The following ARHGEF38 variants were observed in gnomAD, a reference collection of about 807,000 sequenced individuals.
The protein encoded by ARHGEF38 is Rho guanine nucleotide exchange factor (GEF) 38.
ARHGEF38 carries 79 observed loss-of-function variants against 79.9 expected under a neutral mutation model. The observed-to-expected ratio is 0.99, with a 90% CI of 0.82 to 1.19. The LOEUF (loss-of-function observed/expected upper bound fraction) is 1.19. ARHGEF38 is among the 50% of genes most tolerant of loss of function. The probability of loss-of-function intolerance (pLI) is 0.00; values close to 1 mark genes in which losing one functional copy is unlikely to be tolerated. For missense variants in ARHGEF38, 962 were observed against 907.2 expected (o/e 1.06, Z -0.78); for synonymous variants, 366 against 328.3 (o/e 1.11, Z -1.24).
intron 1 of ARHGEF38, among the ~76,000 whole-genome samples, chr4:105,586,894 C>T (rs1727077002): frequency 6.6e-6 from 1 of 151,844 alleles, no homozygotes; most frequent in African/African-American, 2.4e-5. Context: ...CACCTCTCTG[C>T]CCTCAGTCTC....
intron 1 of ARHGEF38, among the ~76,000 whole-genome samples, chr4:105,557,789 A>T (rs1009165582): frequency 3.3e-5 from 5 of 152,080 alleles, no homozygotes; most frequent in African/African-American, 1.2e-4. Flanking sequence ...AATTTTTGGT[A>T]AACTTAAGCC....
intron 7 of ARHGEF38, 134 bp downstream of exon 7, chr4:105,648,816 C>CT: frequency 1.3e-6 from 1 of 754,978 alleles, no homozygotes. Context: ...GTTCTCTTGT[C>CT]TCCCTCTCTC....
In ARHGEF38 at chr4:105,561,444, A is replaced by AGAATG. The variant is rs1310249222; in HGVS notation, c.196+8488_196+8492dup. ...AGAATGGAATAGAATAGAATAGAATAGAATGGAATAGAATAGAATAGAATA... is the reference window on the plus strand; with the variant it reads ...AGAATGGAATAGAATAGAATAGAATAGAATGGAATGGAATAGAATAGAATAGAATA... On this transcript the variant is annotated intron_variant, in intron 1 of 13. Transcript: ENST00000420470. 44 of 43,008 alleles carry AGAATG rather than the reference A, an allele frequency of 1.0e-3. 9 individuals are homozygous for AGAATG. Among genetic ancestry groups the AGAATG allele is most frequent in the South Asian group, 5.9e-3 (8 of 1,356 alleles). The allele number at this position is 43,008 out of a possible 1,614,324, so 2.7% of individuals were successfully genotyped here.
At chr4:105,668,109 C>A (rs1165374852) in intron 13 of ARHGEF38, among the ~76,000 whole-genome samples, 1 of 152,108 alleles carries the variant, frequency 6.6e-6, no homozygotes, top group African/African-American at 2.4e-5. Flanking sequence ...GCATAATCTT[C>A]ATTGAGCTAT....
chr4:105,606,138 G>T (rs1354890831), intron 2 of ARHGEF38, among the ~76,000 whole-genome samples: 1 of 152,076 alleles, frequency 6.6e-6, no homozygotes, highest in African/African-American at 2.4e-5. Flanking sequence ...TGGCCAAGGA[G>T]AATTTGCCCT....
At position 105,595,160 on chromosome 4, in the gene ARHGEF38, A is replaced by T. The variant is rs376447531; in HGVS notation, c.384+5725A>T. Among the ~76,000 whole-genome samples the T allele has an allele frequency of 5.9e-5, 9 of 152,316 alleles. No individual in the cohort carries two copies. In the South Asian group the frequency reaches 8.3e-4, roughly 14 times the overall value. On this transcript the variant is annotated intron_variant, in intron 2 of 13. Transcript: ENST00000420470. ...TCTCAAGGGGGCTATAGAATTCCTC[A>T]GCTACTCGGTTTCCTCCCCTAGAGG...
At position 105,654,051 on chromosome 4, in the gene ARHGEF38, C is replaced by T; in HGVS notation, c.1009-14C>T. ...TTCATTTGAGTTATGAAAATAATTT[C>T]ATATATATTTTAGGTTAAAGACAAT... On this transcript the variant is annotated splice_polypyrimidine_tract_variant and intron_variant, in intron 7 of 13. Transcript: ENST00000420470. 7.5e-7 allele frequency: 1 copy of T among 1,339,880 alleles called. No individual in the cohort carries two copies. The highest frequency in any genetic ancestry group is 2.6e-5 in the East Asian group (1 of 39,130). 83.0% of individuals were successfully genotyped at this position (1,339,880 alleles called of 1,614,324 possible). A position where few individuals can be genotyped will look rare whatever the true frequency, so the allele number is the denominator to read the frequency against.
intron 3 of ARHGEF38, among the ~76,000 whole-genome samples, chr4:105,621,965 AT>A (rs774981591): frequency 2.6e-5 from 4 of 152,154 alleles, no homozygotes; most frequent in Non-Finnish European, 4.4e-5. Flanking sequence ...GGGAAATGGT[AT>A]TTTCAGGATC....
intron 1 of ARHGEF38, among the ~76,000 whole-genome samples, chr4:105,555,957 C>A (rs2110386566): frequency 6.6e-6 from 1 of 152,278 alleles, no homozygotes. Flanking sequence ...AACGATAGAA[C>A]ATGGCTCTAA....
intron 2 of ARHGEF38, among the ~76,000 whole-genome samples, chr4:105,605,805 T>G (rs1367197688): frequency 6.6e-6 from 1 of 152,032 alleles, no homozygotes; most frequent in East Asian, 1.9e-4. Flanking sequence ...GCCAACATCC[T>G]TTTTTTCCAC....
chr4:105,675,447 T>C (rs142094063), intron 13 of ARHGEF38, among the ~76,000 whole-genome samples: 82 of 152,346 alleles, frequency 5.4e-4, no homozygotes, highest in African/African-American at 1.9e-3. Flanking sequence ...AAAAAAATTA[T>C]GTAATAATTT....
intron 2 of ARHGEF38, among the ~76,000 whole-genome samples, chr4:105,592,334 A>G (rs1192108377): frequency 6.6e-6 from 1 of 151,876 alleles, no homozygotes; most frequent in East Asian, 1.9e-4. Flanking sequence ...CAACAACTTC[A>G]TCCCCTCAAA....
chr4:105,612,094 T>C (rs1053765497), intron 2 of ARHGEF38, among the ~76,000 whole-genome samples: 2 of 152,102 alleles, frequency 1.3e-5, no homozygotes, highest in Non-Finnish European at 2.9e-5. Context: ...AAAATAATAT[T>C]GGTATCCAAT....
Position 105,561,474 on chromosome 4 carries a change from A to AGAATAGAATGGAATG in ARHGEF38, c.196+8522_196+8523insGGAATGGAATAGAAT, listed in dbSNP as rs1725590290. On this transcript the variant is annotated intron_variant, in intron 1 of 13. Coordinates refer to ENST00000420470, the MANE Select transcript of ARHGEF38 (RefSeq NM_001242729.2). ...GGAATAGAATAGAATAGAATAGAAT[A>AGAATAGAATGGAATG]GAATAGAATAGAATAGAATAGAATA... The AGAATAGAATGGAATG allele has an allele frequency of 5.3e-4, 27 of 50,804 alleles. 5 individuals are homozygous for AGAATAGAATGGAATG. Among genetic ancestry groups the AGAATAGAATGGAATG allele is most frequent in the African/African-American group, 1.5e-3 (18 of 11,984 alleles). The allele number at this position is 50,804 out of a possible 1,614,324, so 3.1% of individuals were successfully genotyped here.
At chr4:105,593,315 G>T (rs1043672116) in intron 2 of ARHGEF38, among the ~76,000 whole-genome samples, 2 of 152,000 alleles carry the variant, frequency 1.3e-5, no homozygotes, top group South Asian at 2.1e-4. Context: ...GCACAACCAG[G>T]AGGATTGCTT....
chr4:105,639,286 G>A (rs1729524857), intron 5 of ARHGEF38, among the ~76,000 whole-genome samples: 1 of 151,676 alleles, frequency 6.6e-6, no homozygotes, highest in African/African-American at 2.4e-5. Context: ...ATTAACCTTT[G>A]TCTTATGTAT....
intron 13 of ARHGEF38, among the ~76,000 whole-genome samples, chr4:105,672,553 T>C (rs1730990051): frequency 6.6e-6 from 1 of 152,230 alleles, no homozygotes; most frequent in African/African-American, 2.4e-5. Flanking sequence ...ATTCTCTCCT[T>C]TTGTCCATCA....
At chr4:105,558,792 T>G (rs1383208942) in intron 1 of ARHGEF38, among the ~76,000 whole-genome samples, 1 of 150,936 alleles carries the variant, frequency 6.6e-6, no homozygotes, top group Non-Finnish European at 1.5e-5. Flanking sequence ...TTCTTAAAAG[T>G]AGCAAACACA....
chr4:105,554,242 T>G (rs1725146389), intron 1 of ARHGEF38, among the ~76,000 whole-genome samples: 1 of 152,096 alleles, frequency 6.6e-6, no homozygotes, highest in African/African-American at 2.4e-5. Flanking sequence ...TATATATGTG[T>G]GTTTGTTACT....
Sources: gnomAD v4.1 joint callset for allele counts (sites outside exome capture counted in the v4.1 genomes callset) on GRCh38, gnomAD v4.1.1 for gene constraint, MANE v1.5 for transcripts, NCBI Gene and HGNC (gene_info 2026-07-23, HGNC 2026-07-21) for gene names.